The following TM9SF4 variants were observed in gnomAD, a reference collection of about 807,000 sequenced individuals.
TM9SF4 encodes transmembrane 9 superfamily member 4, also known as dinucleotide oxidase disulfide thiol exchanger 3 superfamily member 4.
TM9SF4 carries 26 observed loss-of-function variants against 90.4 expected under a neutral mutation model. The ratio of observed to expected loss-of-function variants is 0.29; its 90% confidence interval spans 0.21 to 0.40. The LOEUF is 0.40. Among genes scored for constraint, TM9SF4 ranks in the 10% least tolerant of loss-of-function variants. The probability of loss-of-function intolerance (pLI) is 1.00; values close to 1 mark genes in which losing one functional copy is unlikely to be tolerated. For synonymous variants in TM9SF4, 293 were observed against 315.4 expected, an observed-to-expected ratio of 0.93 and a Z score of 0.75; for missense variants, 549 against 834.8, an observed-to-expected ratio of 0.66 and a Z score of 4.22.
intron 2 of TM9SF4, among the ~76,000 whole-genome samples, chr20:32,134,541 A>T (rs1197151741): frequency 6.6e-6 from 1 of 152,170 alleles, no homozygotes; most frequent in African/African-American, 2.4e-5. Flanking sequence ...GACTTTTTCT[A>T]TTCCACTTAA....
Position 32,109,721 on chromosome 20 carries a change from C to A in TM9SF4, c.-20C>A, listed in dbSNP as rs1054196213. 5 of 1,551,522 alleles carry A rather than the reference C, an allele frequency of 3.2e-6. No individual in the cohort carries two copies. The Admixed American group carries it at 7.8e-5, about 24-fold the overall frequency. On this transcript the variant is annotated 5_prime_UTR_variant, in exon 1 of 18. Coordinates refer to ENST00000398022, the MANE Select transcript of TM9SF4 (RefSeq NM_014742.4). ...AGCACCACTTCCGCTGACGTCATTA[C>A]GGCGACACGTGGATCCAAGATGGCG...
intron 8 of TM9SF4, among the ~76,000 whole-genome samples, chr20:32,146,053 T>A (rs2046757968): frequency 6.6e-6 from 1 of 152,146 alleles, no homozygotes; most frequent in African/African-American, 2.4e-5. Context: ...ACACTGATGG[T>A]TTCACTATCA....
intron 1 of TM9SF4, among the ~76,000 whole-genome samples, chr20:32,116,860 T>C (rs2046231970): frequency 8.2e-6 from 1 of 121,706 alleles, no homozygotes; most frequent in Non-Finnish European, 1.6e-5. Flanking sequence ...TTTTTCCTTT[T>C]TCTTTTTTTT....
At chr20:32,153,201 A>T (rs992447136) in intron 12 of TM9SF4, among the ~76,000 whole-genome samples, 1 of 152,198 alleles carries the variant, frequency 6.6e-6, no homozygotes, top group Non-Finnish European at 1.5e-5. Context: ...GGTTAACTGC[A>T]CATAAGGACC....
In TM9SF4 at chr20:32,155,108, A is replaced by C; in HGVS notation, c.1251A>C (p.Ala417=). 1.2e-6 allele frequency: 2 copies of C among 1,614,030 alleles called. No homozygotes were observed. The highest frequency in any genetic ancestry group is 1.7e-6 in the Non-Finnish European group (2 of 1,179,976). ...HRWKKGAFCT[A]TLYPGVVFGI... is the part of the protein sequence containing the mutation. ...CCCGGCCCCTCTTGCTCCAGACGGC[A>C]ACTCTGTACCCTGGTGTGGTTTTTG... Residue 417 remains alanine (A), a synonymous_variant, in exon 13 of 18, where the codon GCA becomes GCC. Coordinates refer to ENST00000398022, the MANE Select transcript of TM9SF4 (RefSeq NM_014742.4).
At chr20:32,114,364 TC>T (rs1255945354) in intron 1 of TM9SF4, among the ~76,000 whole-genome samples, 1 of 152,206 alleles carries the variant, frequency 6.6e-6, no homozygotes, top group Non-Finnish European at 1.5e-5. Flanking sequence ...AGGGTCTCAC[TC>T]TGTCATCCAG....
chr20:32,126,068 A>AAC (rs71185382), intron 1 of TM9SF4, among the ~76,000 whole-genome samples: 5,346 of 138,600 alleles, frequency 0.039, 154 homozygotes, highest in South Asian at 0.11. Flanking sequence ...CTTTCCCGTA[A>AAC]ACACACACAC....
At chr20:32,123,217 GAGGGGGAGAGGGA>G (rs1569053923) in intron 1 of TM9SF4, among the ~76,000 whole-genome samples, 1 of 12,718 alleles carries the variant, frequency 7.9e-5, no homozygotes, top group Non-Finnish European at 1.7e-4. Flanking sequence ...GGGGAGGGGG[GAGGGGGAGAGGGA>G]GAGGGAGAGG....
chr20:32,140,035 A>G (rs1177207537), intron 3 of TM9SF4, among the ~76,000 whole-genome samples: 4 of 152,226 alleles, frequency 2.6e-5, no homozygotes, highest in African/African-American at 4.8e-5. Context: ...GAGTACATCT[A>G]TTCAACTTTG....
At chr20:32,123,866 A>ATATATATTTTTT in intron 1 of TM9SF4, among the ~76,000 whole-genome samples, 16 of 93,962 alleles carry the variant, frequency 1.7e-4, no homozygotes, top group African/African-American at 6.4e-4. Context: ...ATATATATAT[A>ATATATATTTTTT]TTTTTTTTTT....
rs756498435 is a variant in TM9SF4, at chr20:32,150,826, G to T, written c.1196G>T (p.Arg399Leu). 1.2e-6 allele frequency: 2 copies of T among 1,614,192 alleles called. No homozygotes were observed. Among genetic ancestry groups the T allele is most frequent in the Non-Finnish European group, 1.7e-6 (2 of 1,180,042 alleles). The change falls in exon 12 of 18, where the codon CGT becomes CTT. Residue 399 changes from arginine (R) to leucine (L), a missense_variant. By Grantham distance (102) the Arg-to-Leu change is moderately radical. Around this residue, in one of 2 missense-constraint regions of TM9SF4, gnomAD observed 495 missense variants for 711.7 expected, o/e 0.70. Coordinates refer to ENST00000398022, the MANE Select transcript of TM9SF4 (RefSeq NM_014742.4). Reference protein sequence around the residue: ...MGVFGGFSAGRLYRTLKGHRW... With the variant: ...MGVFGGFSAGLLYRTLKGHRW... ...GTGTTTGGCGGATTTTCTGCTGGCC[G>T]TCTGTACCGCACTTTAAAAGGCCAT...
chr20:32,154,205 A>AG (rs1259690509), intron 12 of TM9SF4, among the ~76,000 whole-genome samples: 7 of 152,198 alleles, frequency 4.6e-5, no homozygotes, highest in Admixed American at 2.6e-4. Context: ...GCTGGAGTGC[A>AG]GTGGCATGAC....
At chr20:32,153,876 T>TG (rs1209552837) in intron 12 of TM9SF4, among the ~76,000 whole-genome samples, 1 of 152,240 alleles carries the variant, frequency 6.6e-6, no homozygotes, top group Non-Finnish European at 1.5e-5. Flanking sequence ...GCATGGGCTC[T>TG]GGGGTCAGAC....
intron 9 of TM9SF4, among the ~76,000 whole-genome samples, chr20:32,147,481 G>A (rs1341461361): frequency 2.6e-5 from 4 of 152,012 alleles, no homozygotes; most frequent in African/African-American, 9.7e-5. Context: ...AGGCCACAAT[G>A]GCAAACAATA....
Position 32,160,189 on chromosome 20 carries a change from A to C in TM9SF4, c.1689+78A>C, listed in dbSNP as rs1388091409. ...AACGGGTTGATGAGGCTCTGCGGAG[A>C]GGCTGGGTCTGGGCTCTTCATGTGG... On this transcript the variant is annotated intron_variant, in intron 16 of 17. Coordinates refer to ENST00000398022, the MANE Select transcript of TM9SF4 (RefSeq NM_014742.4). The C allele has an allele frequency of 4.4e-6, 7 of 1,597,628 alleles. 1 individual carries two copies.
At chr20:32,115,370 CA>C (rs1400024941) in intron 1 of TM9SF4, among the ~76,000 whole-genome samples, 1 of 152,106 alleles carries the variant, frequency 6.6e-6, no homozygotes, top group African/African-American at 2.4e-5. Context: ...TGGGCACTGG[CA>C]AAAAGGTGGG....
intron 13 of TM9SF4, 34 bp downstream of exon 13, chr20:32,155,220 C>T: frequency 6.3e-7 from 1 of 1,575,876 alleles, no homozygotes; most frequent in Non-Finnish European, 8.7e-7. Flanking sequence ...AGCCCCTCCC[C>T]AGCAAGCGAG....
intron 9 of TM9SF4, among the ~76,000 whole-genome samples, chr20:32,147,692 A>C (rs1006591889): frequency 9.9e-5 from 15 of 151,920 alleles, no homozygotes; most frequent in African/African-American, 3.4e-4. Flanking sequence ...GTCTCTAATA[A>C]AAATACAAAA....
intron 14 of TM9SF4, 56 bp from the exon 15 acceptor site, chr20:32,158,395 T>C: frequency 6.3e-7 from 1 of 1,579,536 alleles, no homozygotes; most frequent in African/African-American, 1.3e-5. Context: ...GGGAAGGAGC[T>C]TGGGGCTTCC....
Sources: allele counts gnomAD v4.1 joint callset (sites outside exome capture counted in the v4.1 genomes callset), GRCh38; gene constraint gnomAD v4.1.1; regional missense constraint gnomAD v4.1.1; transcripts MANE v1.5; gene names NCBI Gene and HGNC (gene_info 2026-07-23, HGNC 2026-07-21).